The following COL6A3 variants were observed in gnomAD, a reference collection of about 807,000 sequenced individuals.
COL6A3 encodes collagen type VI alpha 3 chain, also known as collagen alpha-3(VI) chain.
In COL6A3, 137 loss-of-function variants were observed where a neutral mutation model predicts 274.1. That is an observed-to-expected ratio of 0.50 (90% CI 0.44 to 0.58). The LOEUF (loss-of-function observed/expected upper bound fraction) is 0.58. Ranked by LOEUF, COL6A3 falls within the 20% of genes least tolerant of loss-of-function variation. The pLI, the probability that COL6A3 is intolerant of heterozygous loss-of-function variation, is 0.00. For missense variants in COL6A3, 3,950 were observed against 4,124.9 expected, an observed-to-expected ratio of 0.96 and a Z score of 1.16; for synonymous variants, 1,650 against 1,650.6, an observed-to-expected ratio of 1.00 and a Z score of 0.01.
In COL6A3 at chr2:237,336,445, G is replaced by A. The variant is rs1336715739; in HGVS notation, c.8655C>T (p.Thr2885=). The change falls in exon 40 of 44, where the codon ACC becomes ACT. Residue 2885 remains threonine, a synonymous_variant. Transcript: ENST00000295550. ...TTGTGGTGGTTACAGGCTTTGTTGT[G>A]GTGGTCACCGGCTTCGTCGTAGTCA... is the stretch of plus-strand genomic sequence containing the variant. ...KPVTTTKPVT[T]TTKPVTTTTK... 1 of 1,614,164 alleles carries A rather than the reference G, an allele frequency of 6.2e-7. No individual in the cohort carries two copies. Among genetic ancestry groups the A allele is most frequent in the South Asian group, 1.1e-5 (1 of 91,024 alleles).
chr2:237,404,945 T>G (rs2078683462), intron 1 of COL6A3, among the ~76,000 whole-genome samples: 1 of 152,188 alleles, frequency 6.6e-6, no homozygotes, highest in South Asian at 2.1e-4. Context: ...TGTGAATCTT[T>G]GGAGGAGTAG....
rs374296030 is a variant in COL6A3, at chr2:237,379,057, A to C, written c.2076T>G (p.Ser692=). Residue 692 remains serine (S), a synonymous_variant, in exon 6 of 44, where the codon TCT becomes TCG. Coordinates refer to ENST00000295550, the MANE Select transcript of COL6A3 (RefSeq NM_004369.4). ...CTGACTTGGTCTGGTATGTGTTTAA[A>C]GAGAACTCCGTTACAGGAGTGTCAC... is the stretch of plus-strand genomic sequence containing the variant. ...QFSDTPVTEF[S]LNTYQTKSDI... is the part of the protein sequence containing the mutation. 3.1e-6 allele frequency: 5 copies of C among 1,614,142 alleles called. No individual in the cohort carries two copies. The African/African-American group carries it at 6.7e-5, about 22-fold the overall frequency.
rs1426149492 is a variant in COL6A3, at chr2:237,366,044, G to T, written c.5501-9C>A. ...CACATCCAGATTACAAGCTGGAAAG[G>T]AGAAATGCAGGTGATGAGTTCTCAG... On this transcript the variant is annotated splice_polypyrimidine_tract_variant and intron_variant, in intron 11 of 43. Coordinates refer to ENST00000295550, the MANE Select transcript of COL6A3 (RefSeq NM_004369.4). 5 of 1,612,302 alleles carry T rather than the reference G, an allele frequency of 3.1e-6. No individual in the cohort carries two copies. The African/African-American group carries it at 4.0e-5, about 13-fold the overall frequency.
chr2:237,380,325 T>G (rs1000377460), intron 5 of COL6A3, among the ~76,000 whole-genome samples: 1 of 152,244 alleles, frequency 6.6e-6, no homozygotes, highest in South Asian at 2.1e-4. Context: ...CATAGATCTG[T>G]ATAATGTCTT....
chr2:237,363,176 T>A, intron 14 of COL6A3, 77 bp downstream of exon 14: 1 of 1,391,916 alleles, frequency 7.2e-7, no homozygotes, highest in Non-Finnish European at 1.0e-6. Flanking sequence ...CTGCTGATAA[T>A]TAACTTCATT....
chr2:237,357,731 G>GC, intron 22 of COL6A3, 86 bp downstream of exon 22: 1 of 1,360,416 alleles, frequency 7.4e-7, no homozygotes. Flanking sequence ...CACGTCTTTG[G>GC]CCTCTGTGGC....
intron 3 of COL6A3, among the ~76,000 whole-genome samples, chr2:237,394,358 A>C (rs768936105): frequency 6.6e-6 from 1 of 152,178 alleles, no homozygotes; most frequent in Non-Finnish European, 1.5e-5. Flanking sequence ...TTTAGACTGA[A>C]AATATTAGTT....
chr2:237,361,103 A>G lies in COL6A3; in HGVS notation c.6210+18T>C. 6.2e-7 allele frequency: 1 copy of G among 1,612,106 alleles called. No homozygotes were observed. The highest frequency in any genetic ancestry group is 8.5e-7 in the Non-Finnish European group (1 of 1,178,156). The stretch of plus-strand genomic sequence containing the variant: ...AGGAGGGGGTGAAATTTTAGGGACT[A>G]AAACAATTTTTACTTACGGGTCCAC... On this transcript the variant is annotated intron_variant, in intron 16 of 43. Transcript: ENST00000295550. The surrounding 1 kb of genome is among the most constrained non-coding windows in gnomAD (Gnocchi z 5.1).
chr2:237,383,389 G>A (rs899697999), intron 4 of COL6A3, among the ~76,000 whole-genome samples: 3 of 152,122 alleles, frequency 2.0e-5, no homozygotes, highest in African/African-American at 7.2e-5. Flanking sequence ...CATCCATTCT[G>A]GGCTTTCCTT....
chr2:237,348,491 A>C (rs2077141506), intron 29 of COL6A3, 107 bp from the exon 30 acceptor site: 1 of 1,325,392 alleles, frequency 7.5e-7, no homozygotes, highest in Non-Finnish European at 1.1e-6. Context: ...AAACGAAAAC[A>C]CTCACTCAAA....
Position 237,374,004 on chromosome 2 carries a change from T to C in COL6A3, c.3679+408A>G, listed in dbSNP as rs1018718016. On this transcript the variant is annotated intron_variant, in intron 8 of 43. Transcript: ENST00000295550. This position sits in a 1 kb window ranked among gnomAD's most constrained non-coding sequence, Gnocchi z 4.8. ...TATGTCCCAGCTTGCAGAGTGTCCC[T>C]GGTCAGACTCCTTCCTGCCTCACAG... Among the ~76,000 whole-genome samples the C allele has an allele frequency of 3.9e-5, 6 of 152,228 alleles. No individual in the cohort carries two copies. The highest frequency in any genetic ancestry group is 1.4e-4 in the African/African-American group (6 of 41,458).
intron 39 of COL6A3, among the ~76,000 whole-genome samples, chr2:237,337,080 A>G (rs547044960): frequency 1.2e-4 from 19 of 152,156 alleles, no homozygotes; most frequent in African/African-American, 4.6e-4. Context: ...TTCTTGATCT[A>G]TTACCAATAT....
At position 237,332,115 on chromosome 2, in the gene COL6A3, A is replaced by G. The variant is rs1422743011; in HGVS notation, c.9328+1335T>C. Among the ~76,000 whole-genome samples the G allele has an allele frequency of 7.4e-3, 771 of 103,554 alleles. 53 individuals are homozygous for G. The highest frequency in any genetic ancestry group is 0.025 in the African/African-American group (733 of 29,378). 67.9% of individuals were successfully genotyped at this position (103,554 alleles called of 152,430 possible). On this transcript the variant is annotated intron_variant, in intron 42 of 43. Transcript: ENST00000295550. ...TATATATATATATATATATATATAT[A>G]TATGAAAAGAAAAACAAAACAGCCC...
At chr2:237,342,560 C>T (rs2077009546) in intron 36 of COL6A3, 1 of 234,114 alleles carries the variant, frequency 4.3e-6, no homozygotes, top group Non-Finnish European at 8.6e-6. Flanking sequence ...ATCCCTTCCC[C>T]ACCCTCTCAG....
At chr2:237,392,525 C>G (rs2078317843) in intron 3 of COL6A3, among the ~76,000 whole-genome samples, 1 of 152,182 alleles carries the variant, frequency 6.6e-6, no homozygotes, top group Non-Finnish European at 1.5e-5. Context: ...CACCTCACCT[C>G]CTACCTCCTG....
rs761156771 is a variant in COL6A3 at position 237,350,200 on chromosome 2, C to T, written c.6826G>A (p.Gly2276Arg). Reference sequence around the variant, plus strand: ...ATTCCTCCTTTTGGTCCTGGCTCTCCGGGCTCACCCTAGACATGAGAAACA... The same window carrying T: ...ATTCCTCCTTTTGGTCCTGGCTCTCTGGGCTCACCCTAGACATGAGAAACA... ...TGPLGRKGEP[G>R]EPGPKGGIGN... Residue 2276 changes from glycine (G) to arginine (R), a missense_variant, in exon 28 of 44, where the codon GGA becomes AGA. Gly to Arg is a moderately radical substitution (Grantham distance 125). Around this residue, in one of 5 missense-constraint regions of COL6A3, gnomAD observed 1,284 missense variants for 1,349.7 expected, o/e 0.95. Transcript: ENST00000295550. 12 of 1,614,078 alleles carry T rather than the reference C, an allele frequency of 7.4e-6. No individual in the cohort carries two copies. Among genetic ancestry groups the T allele is most frequent in the East Asian group, 2.2e-5 (1 of 44,880 alleles).
At position 237,368,974 on chromosome 2, in the gene COL6A3, C is replaced by A; in HGVS notation, c.4489G>T (p.Ala1497Ser). 1 of 1,614,198 alleles carries A rather than the reference C, an allele frequency of 6.2e-7. No individual in the cohort carries two copies. The highest frequency in any genetic ancestry group is 8.5e-7 in the Non-Finnish European group (1 of 1,180,036). The part of the protein sequence containing the change: ...EFYLKTYRSQ[A>S]PVLDAIRRLR... ...CGCCGTATGGCGTCCAGCACCGGGG[C>A]CTGGGATCTGTAGGTTTTCAGATAG... Residue 1497 changes from alanine (A) to serine (S), a missense_variant, in exon 10 of 44, where the codon GCC becomes TCC. This residue lies in a region of COL6A3 where 1,934 missense variants were observed against 1,984.3 expected (regional missense o/e 0.97). Transcript: ENST00000295550. This position sits in a 1 kb window ranked among gnomAD's most constrained non-coding sequence, Gnocchi z 4.4.
At chr2:237,357,540 G>A (rs1351603022) in intron 22 of COL6A3, 149 bp from the exon 23 acceptor site, 20 of 843,408 alleles carry the variant, frequency 2.4e-5, no homozygotes, top group Non-Finnish European at 3.3e-5. Flanking sequence ...AGGATGCACC[G>A]GACTTCAGTA....
rs745528910 is a variant in COL6A3, at chr2:237,357,897, G to C, written c.6472-15C>G. ...CCTGGGTTACCCTGAAAGCAACATG[G>C]GAAAGGGAAATGAGCCACATATGGA... On this transcript the variant is annotated splice_polypyrimidine_tract_variant and intron_variant, in intron 21 of 43. Transcript: ENST00000295550. The C allele has an allele frequency of 5.0e-6, 8 of 1,613,384 alleles. No homozygotes were observed. The highest frequency in any genetic ancestry group is 6.8e-6 in the Non-Finnish European group (8 of 1,179,400).
Sources: allele counts gnomAD v4.1 joint callset (sites outside exome capture counted in the v4.1 genomes callset), GRCh38; gene constraint gnomAD v4.1.1; regional missense constraint gnomAD v4.1.1; non-coding constraint Gnocchi (gnomAD v3.1); transcripts MANE v1.5; gene names NCBI Gene and HGNC (gene_info 2026-07-23, HGNC 2026-07-21).